The following TGM3 variants were observed in gnomAD, a reference collection of about 807,000 sequenced individuals.
TGM3 encodes the protein protein-glutamine gamma-glutamyltransferase E.
A neutral mutation model predicts 73.8 loss-of-function variants in TGM3; 52 were observed. The observed-to-expected ratio is 0.70, with a 90% CI of 0.56 to 0.89. The LOEUF (loss-of-function observed/expected upper bound fraction) is 0.89. Among genes scored for constraint, TGM3 ranks in the 40% least tolerant of loss-of-function variants. The pLI is 0.00. For missense variants in TGM3, 928 were observed against 909.9 expected (o/e 1.02, Z -0.26); for synonymous variants, 372 against 354.9 (o/e 1.05, Z -0.54).
chr20:2,334,286 T>C lies in TGM3; in HGVS notation c.1643-830T>C, dbSNP rs2084336212. Among the ~76,000 whole-genome samples the C allele has an allele frequency of 6.6e-6, 1 of 152,196 alleles. No individual in the cohort carries two copies. Among genetic ancestry groups the C allele is most frequent in the African/African-American group, 2.4e-5 (1 of 41,446 alleles). Reference sequence around the variant, plus strand: ...GAAGGTTCTTTTAAGGGACAGGTGATGCAGGGCCAGGTTGAGGGGTCTGAA... The same window carrying C: ...GAAGGTTCTTTTAAGGGACAGGTGACGCAGGGCCAGGTTGAGGGGTCTGAA... On this transcript the variant is annotated intron_variant, in intron 10 of 12. Transcript: ENST00000381458. The surrounding 1 kb of genome is among the most constrained non-coding windows in gnomAD (Gnocchi z 4.0).
rs201000537 is a variant in TGM3 at position 2,317,351 on chromosome 20, G to A, written c.849G>A (p.Ala283=). The part of the protein sequence containing the change: ...CWVFAGTLNT[A]LRSLGIPSRV... ...CCTCACGCCCACCCTGACTTGCAGCGCTGCGGTCTTTGGGGATTCCTTCCC... is the reference window on the plus strand; with the variant it reads ...CCTCACGCCCACCCTGACTTGCAGCACTGCGGTCTTTGGGGATTCCTTCCC... Residue 283 remains alanine (A), a splice_region_variant and synonymous_variant, in exon 7 of 13, where the codon GCG becomes GCA. Coordinates refer to ENST00000381458, the MANE Select transcript of TGM3 (RefSeq NM_003245.4). 329 of 1,614,178 alleles carry A rather than the reference G, an allele frequency of 2.0e-4. 1 individual carries two copies. Among genetic ancestry groups the A allele is most frequent in the South Asian group, 2.5e-4 (23 of 91,078 alleles).
At chr20:2,340,027 A>AGGGGGGG in intron 12 of TGM3, 40 bp downstream of exon 12, 1 of 133,150 alleles carries the variant, frequency 7.5e-6, no homozygotes, top group Non-Finnish European at 1.6e-5. Context: ...GGAGGGCGGG[A>AGGGGGGG]GGGGGCGGGG....
rs1044477014 is a variant in TGM3, at chr20:2,334,445, T to A, written c.1643-671T>A. ...AAGCTTTGTCTGGCTGGTGTGTGGATGATTTAGAAGAACTAGAGACCAGAC... is the reference window on the plus strand; with the variant it reads ...AAGCTTTGTCTGGCTGGTGTGTGGAAGATTTAGAAGAACTAGAGACCAGAC... On this transcript the variant is annotated intron_variant, in intron 10 of 12. Coordinates refer to ENST00000381458, the MANE Select transcript of TGM3 (RefSeq NM_003245.4). This position sits in a 1 kb window ranked among gnomAD's most constrained non-coding sequence, Gnocchi z 4.0. 6.6e-6 allele frequency among the ~76,000 whole-genome samples: 1 copy of A among 152,162 alleles called. No individual in the cohort carries two copies. Among genetic ancestry groups the A allele is most frequent in the Non-Finnish European group, 1.5e-5 (1 of 68,032 alleles).
Position 2,328,979 on chromosome 20 carries a change from T to C in TGM3, c.1333+614T>C, listed in dbSNP as rs6113720. 0.17 allele frequency among the ~76,000 whole-genome samples: 25,671 copies of C among 152,192 alleles called. 3,768 individuals are homozygous for C. Among genetic ancestry groups the C allele is most frequent in the African/African-American group, 0.4 (16,552 of 41,480 alleles). On this transcript the variant is annotated intron_variant, in intron 9 of 12. Coordinates refer to ENST00000381458, the MANE Select transcript of TGM3 (RefSeq NM_003245.4). This position sits in a 1 kb window ranked among gnomAD's most constrained non-coding sequence, Gnocchi z 5.2. Reference sequence around the variant, plus strand: ...CTGCGAGGCTGCCTCGACTCAATTATATTCACTGCCCAGAGTTTCTTTTGA... The same window carrying C: ...CTGCGAGGCTGCCTCGACTCAATTACATTCACTGCCCAGAGTTTCTTTTGA...
At chr20:2,305,044 G>C (rs2084169976) in intron 1 of TGM3, among the ~76,000 whole-genome samples, 1 of 152,218 alleles carries the variant, frequency 6.6e-6, no homozygotes, top group Non-Finnish European at 1.5e-5. Flanking sequence ...GAGGGGCACA[G>C]AGCCCCCATG....
intron 7 of TGM3, among the ~76,000 whole-genome samples, chr20:2,325,480 G>T (rs114667643): frequency 6.6e-6 from 1 of 152,170 alleles, no homozygotes; most frequent in Non-Finnish European, 1.5e-5. Context: ...GTGTGGGTTT[G>T]CCCCTGGGTG....
In TGM3 at chr20:2,340,489, T is replaced by G; in HGVS notation, c.1990T>G (p.Ser664Ala). The change falls in exon 13 of 13, where the codon TCC becomes GCC. Residue 664 changes from serine to alanine, a missense_variant. Transcript: ENST00000381458. ...GSRVRFDILPSRSGTKQLLAD... is the reference protein window; with the variant it reads ...GSRVRFDILPARSGTKQLLAD... ...CCGGGTCCGTTTTGATATCCTGCCC[T>G]CCCGGAGTGGCACCAAGCAACTGCT... 1.9e-6 allele frequency: 3 copies of G among 1,614,048 alleles called. No homozygotes were observed.
intron 1 of TGM3, among the ~76,000 whole-genome samples, chr20:2,300,610 C>A (rs2084140497): frequency 6.6e-6 from 1 of 152,204 alleles, no homozygotes; most frequent in African/African-American, 2.4e-5. Context: ...GGGCTTGAGT[C>A]CAGCCTCTGC....
chr20:2,317,127 T>C lies in TGM3; in HGVS notation c.729T>C (p.Gly243=). The change falls in exon 6 of 13, where the codon GGT becomes GGC. Residue 243 remains glycine (G), a synonymous_variant. Transcript: ENST00000381458. The stretch of plus-strand genomic sequence containing the variant: ...GGAATTGGAGCGGCACTTACACCGG[T>C]GGCCGGGACCCAAGGAGCTGGAACG... ...LAGNWSGTYT[G]GRDPRSWNGS... 1 of 1,613,934 alleles carries C rather than the reference T, an allele frequency of 6.2e-7. No individual in the cohort carries two copies. Among genetic ancestry groups the C allele is most frequent in the Non-Finnish European group, 8.5e-7 (1 of 1,179,984 alleles).
Position 2,328,413 on chromosome 20 carries a change from G to C in TGM3, c.1333+48G>C, listed in dbSNP as rs2084302552. 2 of 1,607,168 alleles carry C rather than the reference G, an allele frequency of 1.2e-6. No individual in the cohort carries two copies. Among genetic ancestry groups the C allele is most frequent in the Non-Finnish European group, 8.5e-7 (1 of 1,175,652 alleles). On this transcript the variant is annotated intron_variant, in intron 9 of 12. Coordinates refer to ENST00000381458, the MANE Select transcript of TGM3 (RefSeq NM_003245.4). The surrounding 1 kb of genome is among the most constrained non-coding windows in gnomAD (Gnocchi z 5.2). ...AGTGCCGCGAGAGGTTCTATTGTGG[G>C]AGGATGGCTCTGAGGCTGGAGAGGA... is the stretch of plus-strand genomic sequence containing the variant.
intron 1 of TGM3, among the ~76,000 whole-genome samples, chr20:2,308,938 C>T (rs1032637075): frequency 3.3e-5 from 5 of 150,740 alleles, no homozygotes; most frequent in Non-Finnish European, 5.9e-5. Flanking sequence ...AGTGCAATGG[C>T]GTGACCTTGG....
At chr20:2,305,088 G>A (rs888757299) in intron 1 of TGM3, among the ~76,000 whole-genome samples, 1 of 152,202 alleles carries the variant, frequency 6.6e-6, no homozygotes, top group Non-Finnish European at 1.5e-5. Flanking sequence ...GTTCAGCCTG[G>A]AAGCTCCTCA....
intron 1 of TGM3, among the ~76,000 whole-genome samples, chr20:2,308,721 C>T (rs1242275995): frequency 1.3e-5 from 2 of 152,114 alleles, no homozygotes; most frequent in Non-Finnish European, 2.9e-5. Context: ...AGGCCAATAC[C>T]GAGGCATTGC....
chr20:2,335,920 G>A (rs1417111515), intron 11 of TGM3, among the ~76,000 whole-genome samples: 1 of 152,252 alleles, frequency 6.6e-6, no homozygotes, highest in Non-Finnish European at 1.5e-5. Context: ...CACCGCCAGA[G>A]TCAAGGCTAG....
At chr20:2,309,094 G>A (rs1650374092) in intron 1 of TGM3, among the ~76,000 whole-genome samples, 6 of 152,176 alleles carry the variant, frequency 3.9e-5, no homozygotes, top group Admixed American at 3.9e-4. Context: ...GGCCAGTCTG[G>A]TCTCAAACTC....
intron 1 of TGM3, among the ~76,000 whole-genome samples, chr20:2,305,183 T>C (rs561483896): frequency 5.3e-5 from 8 of 152,286 alleles, no homozygotes; most frequent in Admixed American, 1.3e-4. Context: ...GGTGATGAAA[T>C]CAACCTCCAG....
At position 2,340,722 on chromosome 20, in the gene TGM3, C is replaced by A; in HGVS notation, c.*141C>A. ...GCTGCCAGACATGGACCTCCAGGCT[C>A]CAGCACATCCCCCTCTCCTCTCCCC... On this transcript the variant is annotated 3_prime_UTR_variant, in exon 13 of 13. Coordinates refer to ENST00000381458, the MANE Select transcript of TGM3 (RefSeq NM_003245.4). The A allele has an allele frequency of 9.4e-7, 1 of 1,067,482 alleles. No individual in the cohort carries two copies. Among genetic ancestry groups the A allele is most frequent in the South Asian group, 1.4e-5 (1 of 70,862 alleles). 66.1% of individuals were successfully genotyped at this position (1,067,482 alleles called of 1,614,324 possible). A position where few individuals can be genotyped will look rare whatever the true frequency, so the allele number is the denominator to read the frequency against.
At chr20:2,298,209 G>A (rs2084121730) in intron 1 of TGM3, among the ~76,000 whole-genome samples, 1 of 152,152 alleles carries the variant, frequency 6.6e-6, no homozygotes, top group African/African-American at 2.4e-5. Flanking sequence ...ATCAGAAGGG[G>A]TTCCATTATT....
At chr20:2,324,045 T>C (rs1221954528) in intron 7 of TGM3, among the ~76,000 whole-genome samples, 1 of 152,240 alleles carries the variant, frequency 6.6e-6, no homozygotes, top group African/African-American at 2.4e-5. Flanking sequence ...CTCTGCTTTA[T>C]TGATTTTTTT....
Sources: allele counts gnomAD v4.1 joint callset (sites outside exome capture counted in the v4.1 genomes callset), GRCh38; gene constraint gnomAD v4.1.1; non-coding constraint Gnocchi (gnomAD v3.1); transcripts MANE v1.5; gene names NCBI Gene and HGNC (gene_info 2026-07-23, HGNC 2026-07-21).